TCEA3: variants seen among roughly 807,000 people sequenced by gnomAD.
TCEA3 encodes the protein transcription elongation factor A3, also known as transcription elongation factor A protein 3.
TCEA3 carries 36 observed loss-of-function variants against 44.0 expected under a neutral mutation model. The observed-to-expected ratio is 0.82, with a 90% CI of 0.63 to 1.08. TCEA3 has a LOEUF of 1.08. Among genes scored for constraint, TCEA3 ranks in the 50% least tolerant of loss-of-function variants. TCEA3 has a pLI of 0.00. For synonymous variants in TCEA3, 162 were observed against 159.7 expected (o/e 1.01, Z -0.11); for missense variants, 392 against 441.2 (o/e 0.89, Z 1.00).
chr1:23,417,274 T>A lies in TCEA3; in HGVS notation c.355A>T (p.Lys119Ter), dbSNP rs188171734. Residue 119 changes from lysine (K) to a stop codon, truncating the protein, a stop_gained, in exon 4 of 11, where the codon AAA (lysine) becomes TAA (stop). Coordinates refer to ENST00000450454, the MANE Select transcript of TCEA3 (RefSeq NM_003196.3). LOFTEE classifies it high-confidence loss of function. ...CTGGTTTTGGGGTCTTCTCGTTTTT[T>A]CCTTGGTGGAGAAAGGCCTGCTTCT... ...KPEAGLSPPR[K>*]KREDPKTRRD... The A allele has an allele frequency of 1.8e-5, 29 of 1,613,942 alleles. No individual in the cohort carries two copies. In the African/African-American group the frequency reaches 3.9e-4, roughly 22 times the overall value.
chr1:23,393,875 T>C lies in TCEA3; in HGVS notation c.819+4A>G. ...GCCTCACCATGCAGATGCCCTGCTC[T>C]CACCTCTGCCGTCATCTTGGCTATA... On this transcript the variant is annotated splice_donor_region_variant and intron_variant, in intron 8 of 10. Coordinates refer to ENST00000450454, the MANE Select transcript of TCEA3 (RefSeq NM_003196.3). The C allele has an allele frequency of 6.2e-7, 1 of 1,612,906 alleles. No homozygotes were observed. The highest frequency in any genetic ancestry group is 8.5e-7 in the Non-Finnish European group (1 of 1,179,752).
intron 1 of TCEA3, chr1:23,423,859 C>T (rs1412222842): frequency 4.4e-6 from 2 of 455,912 alleles, no homozygotes; most frequent in Non-Finnish European, 8.8e-6. Flanking sequence ...TGCTCCCAAC[C>T]TCCCGCCGAG....
At chr1:23,395,809 C>G (rs1315404712) in intron 7 of TCEA3, among the ~76,000 whole-genome samples, 2 of 137,708 alleles carry the variant, frequency 1.5e-5, no homozygotes, top group African/African-American at 2.8e-5. Flanking sequence ...GCCTGGGCAA[C>G]AGAGCAAGAT....
intron 8 of TCEA3, among the ~76,000 whole-genome samples, chr1:23,393,104 G>A (rs1639109854): frequency 6.6e-6 from 1 of 152,078 alleles, no homozygotes; most frequent in South Asian, 2.1e-4. Context: ...ATTCTCATGA[G>A]AAGCATGCAA....
chr1:23,397,517 C>T (rs772281334), intron 7 of TCEA3, 28 bp downstream of exon 7: 1 of 1,610,402 alleles, frequency 6.2e-7, no homozygotes, highest in South Asian at 1.1e-5. Flanking sequence ...GTGCAGACAC[C>T]CACAGCCCCG....
chr1:23,398,303 T>A (rs1266054582), intron 5 of TCEA3, among the ~76,000 whole-genome samples: 1 of 152,260 alleles, frequency 6.6e-6, no homozygotes, highest in Non-Finnish European at 1.5e-5. Flanking sequence ...TTACTCATTA[T>A]AGAACAGTGT....
chr1:23,423,966 C>G lies in TCEA3; in HGVS notation c.69+599G>C, dbSNP rs971872471. The G allele has an allele frequency of 1.6e-4, 69 of 418,584 alleles. No individual in the cohort carries two copies. In the Admixed American group the frequency reaches 1.9e-3, roughly 12 times the overall value. 25.9% of individuals were successfully genotyped at this position (418,584 alleles called of 1,614,324 possible). ...CCCCCGCACCTGTTCGGCCCCCGCC[C>G]GTCCGGGCCGCACCCCAAGGCCAAG... On this transcript the variant is annotated intron_variant, in intron 1 of 10. Coordinates refer to ENST00000450454, the MANE Select transcript of TCEA3 (RefSeq NM_003196.3).
chr1:23,400,195 A>G (rs61777155), intron 5 of TCEA3, among the ~76,000 whole-genome samples: 1 of 152,180 alleles, frequency 6.6e-6, no homozygotes, highest in Non-Finnish European at 1.5e-5. Flanking sequence ...TCTTTTTGGT[A>G]ACCCTAAAAG....
intron 5 of TCEA3, among the ~76,000 whole-genome samples, chr1:23,399,539 C>G (rs1420820458): frequency 6.6e-6 from 1 of 152,024 alleles, no homozygotes; most frequent in Non-Finnish European, 1.5e-5. Context: ...ACATTCAGCC[C>G]ATAATACCAT....
At chr1:23,417,767 T>G in intron 3 of TCEA3, 137 bp downstream of exon 3, 1 of 784,052 alleles carries the variant, frequency 1.3e-6, no homozygotes, top group South Asian at 1.8e-5. Context: ...ACTAGCTACC[T>G]CCCGGATCCA....
rs568115936 is a variant in TCEA3 at position 23,392,734 on chromosome 1, C to A, written c.819+1145G>T. ...ACATGCCACACACATATACTATACA[C>A]CAAACACACCTCACACATCATACAC... On this transcript the variant is annotated intron_variant, in intron 8 of 10. Coordinates refer to ENST00000450454, the MANE Select transcript of TCEA3 (RefSeq NM_003196.3). Among the ~76,000 whole-genome samples the A allele has an allele frequency of 5.2e-4, 66 of 126,764 alleles. No individual in the cohort carries two copies. The Middle Eastern group carries it at 0.012, about 23-fold the overall frequency. The allele number at this position is 126,764 out of a possible 152,430, so 83.2% of individuals were successfully genotyped here. A position where few individuals can be genotyped will look rare whatever the true frequency, so the allele number is the denominator to read the frequency against.
chr1:23,417,417 C>T, intron 3 of TCEA3, 27 bp from the exon 4 acceptor site: 1 of 1,606,530 alleles, frequency 6.2e-7, no homozygotes, highest in East Asian at 2.2e-5. Context: ...GGCATTGTCC[C>T]TCAGCTAAGC....
chr1:23,407,130 G>A (rs1171853931), intron 5 of TCEA3, among the ~76,000 whole-genome samples: 1 of 152,106 alleles, frequency 6.6e-6, no homozygotes, highest in African/African-American at 2.4e-5. Context: ...CTCCATCCTT[G>A]CAGATGCTCA....
chr1:23,420,939 G>A (rs551339177), intron 1 of TCEA3, among the ~76,000 whole-genome samples: 6 of 152,250 alleles, frequency 3.9e-5, no homozygotes, highest in African/African-American at 1.4e-4. Flanking sequence ...AGGGGACGGT[G>A]TCCTGTATGT....
chr1:23,392,588 A>G (rs1639086973), intron 8 of TCEA3, among the ~76,000 whole-genome samples: 1 of 17,268 alleles, frequency 5.8e-5, no homozygotes, highest in Non-Finnish European at 1.4e-4. Context: ...CACACATCAT[A>G]CACACACACT....
At chr1:23,406,912 G>C (rs1257264810) in intron 5 of TCEA3, among the ~76,000 whole-genome samples, 1 of 152,136 alleles carries the variant, frequency 6.6e-6, no homozygotes, top group African/African-American at 2.4e-5. Context: ...ATGAGCCACC[G>C]CACCTGGCCT....
intron 7 of TCEA3, 47 bp from the exon 8 acceptor site, chr1:23,394,080 G>C: frequency 6.2e-7 from 1 of 1,610,980 alleles, no homozygotes; most frequent in Non-Finnish European, 8.5e-7. Flanking sequence ...GGGCACAGAA[G>C]GGTGCAGGCC....
chr1:23,404,536 C>G (rs1295709064), intron 5 of TCEA3, among the ~76,000 whole-genome samples: 6 of 152,000 alleles, frequency 3.9e-5, no homozygotes, highest in Non-Finnish European at 7.4e-5. Context: ...CATGGTTAGC[C>G]CTAAGAAGGG....
chr1:23,407,515 C>T (rs1177293816), intron 5 of TCEA3, among the ~76,000 whole-genome samples: 1 of 152,134 alleles, frequency 6.6e-6, no homozygotes, highest in Admixed American at 6.6e-5. Flanking sequence ...GCCAGGCACA[C>T]CCCCACCTCA....
Sources: gnomAD v4.1 joint callset for allele counts (sites outside exome capture counted in the v4.1 genomes callset) on GRCh38, gnomAD v4.1.1 for gene constraint, MANE v1.5 for transcripts, NCBI Gene and HGNC (gene_info 2026-07-23, HGNC 2026-07-21) for gene names.